Variants in ABCG2 observed in about 807,000 individuals in gnomAD.
ABCG2 encodes broad substrate specificity ATP-binding cassette transporter ABCG2.
A neutral mutation model predicts 73.5 loss-of-function variants in ABCG2; 80 were observed. The ratio of observed to expected loss-of-function variants is 1.09; its 90% CI spans 0.91 to 1.31. The LOEUF is 1.31. Among genes scored for constraint, ABCG2 ranks in the 50% most tolerant of loss-of-function variants. The pLI, the probability that ABCG2 is intolerant of heterozygous loss-of-function variation, is 0.00. For missense variants in ABCG2, 796 were observed against 786.2 expected (o/e 1.01, Z -0.15); for synonymous variants, 269 against 282.4 (o/e 0.95, Z 0.48).
intron 1 of ABCG2, among the ~76,000 whole-genome samples, chr4:88,152,118 G>T (rs1459763097): frequency 6.6e-6 from 1 of 152,086 alleles, no homozygotes; most frequent in Non-Finnish European, 1.5e-5. Context: ...AATGATCCTG[G>T]TTTCTTACCA....
chr4:88,120,422 C>G (rs1723889671), intron 6 of ABCG2, among the ~76,000 whole-genome samples: 1 of 152,186 alleles, frequency 6.6e-6, no homozygotes, highest in Non-Finnish European at 1.5e-5. Flanking sequence ...GCCACAGACA[C>G]TCAATACCAG....
At chr4:88,103,153 C>T (rs962579024) in intron 10 of ABCG2, among the ~76,000 whole-genome samples, 1 of 152,168 alleles carries the variant, frequency 6.6e-6, no homozygotes, top group Admixed American at 6.5e-5. Context: ...ATGCAGTTAT[C>T]TCACTTTCTG....
At chr4:88,154,429 G>A (rs888130261) in intron 1 of ABCG2, among the ~76,000 whole-genome samples, 4 of 152,228 alleles carry the variant, frequency 2.6e-5, no homozygotes, top group Non-Finnish European at 5.9e-5. Flanking sequence ...CCCTTTGCAA[G>A]AGCAAGGGCT....
chr4:88,116,154 C>T (rs956534282), intron 7 of ABCG2, among the ~76,000 whole-genome samples: 2 of 152,124 alleles, frequency 1.3e-5, no homozygotes, highest in African/African-American at 2.4e-5. Context: ...CTGAAAGCAC[C>T]ACTGCACTCT....
intron 2 of ABCG2, among the ~76,000 whole-genome samples, chr4:88,137,467 T>A (rs1725331825): frequency 6.6e-6 from 1 of 152,124 alleles, no homozygotes; most frequent in East Asian, 1.9e-4. Context: ...CATGACCAAG[T>A]GATCAATTTT....
chr4:88,152,016 T>C (rs1425204016), intron 1 of ABCG2, among the ~76,000 whole-genome samples: 1 of 152,114 alleles, frequency 6.6e-6, no homozygotes, highest in African/African-American at 2.4e-5. Context: ...CTAACATAAA[T>C]ATGGGTCTCA....
intron 1 of ABCG2, among the ~76,000 whole-genome samples, chr4:88,165,477 A>G (rs1233737408): frequency 1.3e-5 from 2 of 152,184 alleles, no homozygotes; most frequent in Non-Finnish European, 2.9e-5. Context: ...TGCTTCTGTC[A>G]TCACATCTTT....
chr4:88,188,490 A>C (rs1728556551), intron 1 of ABCG2, among the ~76,000 whole-genome samples: 1 of 152,118 alleles, frequency 6.6e-6, no homozygotes, highest in African/African-American at 2.4e-5. Flanking sequence ...TGAGATTAGA[A>C]GCATGAGCCA....
chr4:88,213,979 G>A (rs1055206766), intron 1 of ABCG2, among the ~76,000 whole-genome samples: 22 of 103,188 alleles, frequency 2.1e-4, no homozygotes, highest in Admixed American at 6.0e-4. Context: ...CACCACGCCC[G>A]GCCTTTTTTT....
chr4:88,225,077 A>C (rs937324202), intron 1 of ABCG2, among the ~76,000 whole-genome samples: 1 of 152,162 alleles, frequency 6.6e-6, no homozygotes, highest in Admixed American at 6.5e-5. Context: ...CACTGTTTTG[A>C]TTACTGTAAC....
chr4:88,139,855 T>C lies in ABCG2; in HGVS notation c.141A>G (p.Lys47=), dbSNP rs1373544486. The change falls in exon 2 of 16, where the codon AAA becomes AAG. Residue 47 remains lysine (K), a synonymous_variant. Transcript: ENST00000237612. ...GACAAGGTAGAAAGCCACTCTTCAG[T>C]TTTACTCGATAGCAGATGTTATGAA... is the stretch of plus-strand genomic sequence containing the variant. The part of the protein sequence containing the change: ...LSFHNICYRV[K]LKSGFLPCRK... 7 of 1,614,208 alleles carry C rather than the reference T, an allele frequency of 4.3e-6. No homozygotes were observed. The highest frequency in any genetic ancestry group is 2.5e-6 in the Non-Finnish European group (3 of 1,180,030).
intron 3 of ABCG2, among the ~76,000 whole-genome samples, 189 bp downstream of exon 3, chr4:88,132,387 C>T (rs1724953178): frequency 6.6e-6 from 1 of 152,088 alleles, no homozygotes; most frequent in Non-Finnish European, 1.5e-5. Flanking sequence ...ATTAGTAAAG[C>T]TAACCTAATA....
chr4:88,226,171 T>G (rs2110134384), intron 1 of ABCG2, among the ~76,000 whole-genome samples: 1 of 152,348 alleles, frequency 6.6e-6, no homozygotes, highest in East Asian at 1.9e-4. Flanking sequence ...CAGCCTCACT[T>G]TCTTCCTACC....
intron 2 of ABCG2, among the ~76,000 whole-genome samples, chr4:88,136,052 T>G (rs563865649): frequency 1.3e-5 from 2 of 152,170 alleles, no homozygotes; most frequent in East Asian, 3.9e-4. Flanking sequence ...TTGGAGAAAT[T>G]AATGAGAAGC....
chr4:88,222,433 G>T (rs111787522), intron 1 of ABCG2, among the ~76,000 whole-genome samples: 1 of 152,088 alleles, frequency 6.6e-6, no homozygotes, highest in East Asian at 1.9e-4. Context: ...CGCTGTTCTC[G>T]TGATAGTGAA....
intron 1 of ABCG2, among the ~76,000 whole-genome samples, chr4:88,225,092 T>C (rs1052846411): frequency 5.9e-5 from 9 of 152,184 alleles, no homozygotes; most frequent in African/African-American, 2.2e-4. Flanking sequence ...TGTAACTTCA[T>C]TGAGGGTAGA....
At position 88,158,551 on chromosome 4, in the gene ABCG2, G is replaced by T. The variant is rs1369019237; in HGVS notation, c.-185C>A. 2.2e-6 allele frequency: 1 copy of T among 456,328 alleles called. No homozygotes were observed. The highest frequency in any genetic ancestry group is 6.9e-5 in the East Asian group (1 of 14,400). The allele number at this position is 456,328 out of a possible 1,614,324, so 28.3% of individuals were successfully genotyped here. On this transcript the variant is annotated 5_prime_UTR_variant, in exon 1 of 16. Transcript: ENST00000237612. ...TCCACTTAACAAGACCACCAAGCAT[G>T]TGCACGGTGCGTTCCTAAATCCTAC...
At chr4:88,156,244 A>G (rs530240347) in intron 1 of ABCG2, among the ~76,000 whole-genome samples, 1 of 152,002 alleles carries the variant, frequency 6.6e-6, no homozygotes, top group African/African-American at 2.4e-5. Flanking sequence ...GTGTGGTGCT[A>G]CGTACCTGTA....
chr4:88,143,152 C>T (rs1459701926), intron 1 of ABCG2, among the ~76,000 whole-genome samples: 1 of 152,034 alleles, frequency 6.6e-6, no homozygotes, highest in Non-Finnish European at 1.5e-5. Context: ...AAATACTATG[C>T]CATGTTATAT....
Sources: gnomAD v4.1 joint callset for allele counts (sites outside exome capture counted in the v4.1 genomes callset) on GRCh38, gnomAD v4.1.1 for gene constraint, MANE v1.5 for transcripts, NCBI Gene and HGNC (gene_info 2026-07-23, HGNC 2026-07-21) for gene names.